Variants in CACNA1C observed in about 807,000 individuals in gnomAD.
The protein encoded by CACNA1C is voltage-dependent L-type calcium channel subunit alpha-1C.
In CACNA1C, 30 loss-of-function variants were observed where a neutral mutation model predicts 229.0. That is an observed-to-expected ratio of 0.13 (90% CI 0.10 to 0.18). CACNA1C has a LOEUF of 0.18. Ranked by LOEUF, CACNA1C falls within the 10% of genes least tolerant of loss-of-function variation. CACNA1C has a pLI of 1.00. For missense variants in CACNA1C, 1,658 were observed against 2,845.0 expected, an observed-to-expected ratio of 0.58 and a Z score of 9.49; for synonymous variants, 1,114 against 1,132.5, an observed-to-expected ratio of 0.98 and a Z score of 0.33.
intron 3 of CACNA1C, among the ~76,000 whole-genome samples, chr12:2,356,170 G>A (rs1209205968): frequency 6.6e-6 from 1 of 152,236 alleles, no homozygotes; most frequent in Non-Finnish European, 1.5e-5. Context: ...TCACAATCAA[G>A]AAGTGGCCTC....
chr12:2,166,614 A>G (rs550428727), intron 3 of CACNA1C, among the ~76,000 whole-genome samples: 1 of 152,312 alleles, frequency 6.6e-6, no homozygotes, highest in South Asian at 2.1e-4. Flanking sequence ...GTTTTGTCAT[A>G]TGTAAAATGG....
At chr12:2,040,620 G>T (rs2470401) in intron 1 of CACNA1C, among the ~76,000 whole-genome samples, 38,322 of 152,128 alleles carry the variant, frequency 0.25, 6,395 homozygotes, top group African/African-American at 0.47. Context: ...ATAAGAGATG[G>T]TGACCAACTA....
rs987680742 is a variant in CACNA1C, at chr12:2,602,662, G to A, written c.2960+702G>A. ...TGTGTGTGTGTGTGTGTGTGTGTGT[G>A]TGTGTGTGAGTTTTTCATTTCACTG... On this transcript the variant is annotated intron_variant, in intron 22 of 46. Transcript: ENST00000399655. The surrounding 1 kb of genome is among the most constrained non-coding windows in gnomAD (Gnocchi z 4.4). Among the ~76,000 whole-genome samples the A allele has an allele frequency of 3.3e-5, 5 of 150,966 alleles. No individual in the cohort carries two copies. The highest frequency in any genetic ancestry group is 1.2e-4 in the African/African-American group (5 of 40,972).
At chr12:2,168,883 A>G (rs1266031131) in intron 3 of CACNA1C, among the ~76,000 whole-genome samples, 1 of 152,050 alleles carries the variant, frequency 6.6e-6, no homozygotes, top group Non-Finnish European at 1.5e-5. Flanking sequence ...CTGTTTCTGA[A>G]CCAATAGGAA....
Position 2,504,361 on chromosome 12 carries a change from C to T in CACNA1C, c.1114-481C>T. On this transcript the variant is annotated intron_variant, in intron 7 of 46. Coordinates refer to ENST00000399655, the MANE Select transcript of CACNA1C (RefSeq NM_000719.7). The surrounding 1 kb of genome is among the most constrained non-coding windows in gnomAD (Gnocchi z 6.8). The stretch of plus-strand genomic sequence containing the variant: ...GCCCCGTCTGTCCCCTCCCAATCTG[C>T]TCACACCTGCTGCCTGCCTCTTTGC... 1 of 836,266 alleles carries T rather than the reference C, an allele frequency of 1.2e-6. No homozygotes were observed. The highest frequency in any genetic ancestry group is 2.1e-6 in the Non-Finnish European group (1 of 478,876). 51.8% of individuals were successfully genotyped at this position (836,266 alleles called of 1,614,324 possible). A position where few individuals can be genotyped will look rare whatever the true frequency, so the allele number is the denominator to read the frequency against.
chr12:2,643,852 C>T (rs1024359593), intron 30 of CACNA1C, among the ~76,000 whole-genome samples: 3 of 152,182 alleles, frequency 2.0e-5, no homozygotes, highest in African/African-American at 7.2e-5. Context: ...CCTAGATCAC[C>T]TCCGAGGTCT....
chr12:2,582,998 C>A, intron 15 of CACNA1C, 56 bp downstream of exon 15: 1 of 1,328,380 alleles, frequency 7.5e-7, no homozygotes, highest in Non-Finnish European at 1.1e-6. Flanking sequence ...GCCTGCAGCA[C>A]AGTGCCAAAC....
At chr12:2,142,387 C>G (rs958753831) in intron 3 of CACNA1C, among the ~76,000 whole-genome samples, 2 of 151,214 alleles carry the variant, frequency 1.3e-5, no homozygotes, top group African/African-American at 4.8e-5. Flanking sequence ...ACTGGGCTGA[C>G]AGTCTTATCA....
At position 2,469,344 on chromosome 12, in the gene CACNA1C, G is replaced by A. The variant is rs116531339; in HGVS notation, c.757+11638G>A. On this transcript the variant is annotated intron_variant, in intron 5 of 46. Transcript: ENST00000399655. ...CAGAGACTACTATCTGCCAGGCATC[G>A]AGCCACGCGACACGAGCCACCAGTC... 8.5e-3 allele frequency among the ~76,000 whole-genome samples: 1,287 copies of A among 152,226 alleles called. 16 individuals are homozygous for A. The highest frequency in any genetic ancestry group is 0.027 in the African/African-American group (1,122 of 41,512).
chr12:2,106,720 A>G (rs2078914450), intron 1 of CACNA1C, among the ~76,000 whole-genome samples: 1 of 114,190 alleles, frequency 8.8e-6, no homozygotes, highest in Non-Finnish European at 1.8e-5. Context: ...TTTCCACCTC[A>G]GCTGGGCGTC....
At position 2,488,858 on chromosome 12, in the gene CACNA1C, A is replaced by C. The variant is rs556944182; in HGVS notation, c.916+2596A>C. Among the ~76,000 whole-genome samples, 13 of 152,290 alleles carry C rather than the reference A, an allele frequency of 8.5e-5. No homozygotes were observed. The East Asian group carries it at 2.5e-3, about 29-fold the overall frequency. On this transcript the variant is annotated intron_variant, in intron 6 of 46. Transcript: ENST00000399655. This position sits in a 1 kb window ranked among gnomAD's most constrained non-coding sequence, Gnocchi z 4.0. ...GGAGCTTGCTGTCCCTTCGTTCCCAAACCTGCCGTCTGATCACAAGCCAGG... is the reference window on the plus strand; with the variant it reads ...GGAGCTTGCTGTCCCTTCGTTCCCACACCTGCCGTCTGATCACAAGCCAGG...
chr12:2,516,586 A>G (rs2099797295), intron 9 of CACNA1C, among the ~76,000 whole-genome samples: 1 of 152,142 alleles, frequency 6.6e-6, no homozygotes, highest in Non-Finnish European at 1.5e-5. Context: ...CTTCAGGATG[A>G]TGTCATTTGC....
chr12:2,586,477 AG>A (rs1364289999), intron 18 of CACNA1C, among the ~76,000 whole-genome samples: 4 of 152,234 alleles, frequency 2.6e-5, no homozygotes, highest in African/African-American at 9.7e-5. Flanking sequence ...CAGAGATCAG[AG>A]GTCCTCCCTC....
At chr12:2,302,529 G>A (rs1353357283) in intron 3 of CACNA1C, among the ~76,000 whole-genome samples, 2 of 151,978 alleles carry the variant, frequency 1.3e-5, no homozygotes, top group Admixed American at 1.3e-4. Context: ...GGACGCCTGG[G>A]GACATTTCCA....
chr12:2,120,524 C>T lies in CACNA1C; in HGVS notation c.477+94C>T, dbSNP rs74613745. The stretch of plus-strand genomic sequence containing the variant: ...CATGGAATGTGGGAGAGAAGTGAGA[C>T]GTGTGTTTGGCATGTGCAGGAGCCC... On this transcript the variant is annotated intron_variant, in intron 3 of 46. Transcript: ENST00000399655. The T allele has an allele frequency of 8.4e-3, 6,823 of 811,312 alleles. 47 individuals carry two copies. Among genetic ancestry groups the T allele is most frequent in the Non-Finnish European group, 0.012 (5,654 of 455,644 alleles). 50.3% of individuals were successfully genotyped at this position (811,312 alleles called of 1,614,324 possible). A position where few individuals can be genotyped will look rare whatever the true frequency, so the allele number is the denominator to read the frequency against.
rs2096901213 is a variant in CACNA1C at position 2,342,740 on chromosome 12, T to C, written c.478-106236T>C. 3.3e-5 allele frequency among the ~76,000 whole-genome samples: 5 copies of C among 152,226 alleles called. No homozygotes were observed. In the South Asian group the frequency reaches 1.0e-3, roughly 31 times the overall value. On this transcript the variant is annotated intron_variant, in intron 3 of 46. Coordinates refer to ENST00000399655, the MANE Select transcript of CACNA1C (RefSeq NM_000719.7). The stretch of plus-strand genomic sequence containing the variant: ...GAACATCAGTGCTGCAGTAGGATGA[T>C]GTGTTGCTTCTGTTTTATTGAGGTA...
chr12:2,151,724 C>CA (rs1170041752), intron 3 of CACNA1C, among the ~76,000 whole-genome samples: 1 of 152,108 alleles, frequency 6.6e-6, no homozygotes, highest in Non-Finnish European at 1.5e-5. Flanking sequence ...GAGAGTGTTA[C>CA]AAAAAAGTAC....
intron 9 of CACNA1C, among the ~76,000 whole-genome samples, chr12:2,535,066 G>A (rs965835600): frequency 5.9e-5 from 9 of 152,128 alleles, no homozygotes; most frequent in African/African-American, 1.2e-4. Flanking sequence ...GCATGAAGCC[G>A]CAGGACCTCT....
intron 9 of CACNA1C, among the ~76,000 whole-genome samples, chr12:2,515,069 C>A (rs1211803892): frequency 6.6e-6 from 1 of 152,216 alleles, no homozygotes; most frequent in Non-Finnish European, 1.5e-5. Context: ...TGCTTCCTTA[C>A]GGCTGGAGGA....
Sources: gnomAD v4.1 joint callset for allele counts (sites outside exome capture counted in the v4.1 genomes callset) on GRCh38, gnomAD v4.1.1 for gene constraint, Gnocchi (gnomAD v3.1) non-coding constraint, MANE v1.5 for transcripts, NCBI Gene and HGNC (gene_info 2026-07-23, HGNC 2026-07-21) for gene names.